PDE4DIP: variants seen among roughly 807,000 people sequenced by gnomAD.
The protein encoded by PDE4DIP is phosphodiesterase 4D interacting protein.
In PDE4DIP, 59 loss-of-function variants were observed where a neutral mutation model predicts 221.4. That is an observed-to-expected ratio of 0.27 (90% confidence interval 0.22 to 0.33). PDE4DIP has a LOEUF of 0.33. Ranked by LOEUF, PDE4DIP falls within the 10% of genes least tolerant of loss-of-function variation. PDE4DIP has a pLI of 1.00. For synonymous variants in PDE4DIP, 404 were observed against 815.9 expected (o/e 0.50, Z 8.60); for missense variants, 1,036 against 2,154.2 (o/e 0.48, Z 10.28).
intron 23 of PDE4DIP, 60 bp downstream of exon 26, chr1:148,998,435 G>A: frequency 2.4e-6 from 2 of 844,226 alleles, no homozygotes; most frequent in Admixed American, 2.0e-5. Context: ...CAGCCAAGGG[G>A]TGCCTATCCC....
chr1:148,938,720 G>T (rs1255942550), intron 5 of PDE4DIP, among the ~76,000 whole-genome samples: 15 of 150,896 alleles, frequency 9.9e-5, no homozygotes, highest in African/African-American at 3.6e-4. Flanking sequence ...AATGTGCTGG[G>T]TACTAGTTGA....
At chr1:148,991,491 A>C (rs1340640331) in intron 21 of PDE4DIP, 1 of 858,186 alleles carries the variant, frequency 1.2e-6, no homozygotes, top group African/African-American at 1.8e-5. Flanking sequence ...TCTAATCTCC[A>C]GGCACTCAGT....
chr1:148,927,292 T>C (rs1456802948), intron 1 of PDE4DIP, among the ~76,000 whole-genome samples: 1 of 152,038 alleles, frequency 6.6e-6, no homozygotes, highest in African/African-American at 2.4e-5. Context: ...GTTCTAACCT[T>C]GGTCAAAAGG....
At chr1:148,984,308 G>T (rs1169426016) in intron 21 of PDE4DIP, 1 of 151,780 alleles carries the variant, frequency 6.6e-6, no homozygotes, top group Non-Finnish European at 1.5e-5. Flanking sequence ...ATTTTTTCAG[G>T]ACCTTTGCTT....
chr1:148,934,914 A>G (rs1187140744), intron 4 of PDE4DIP, among the ~76,000 whole-genome samples: 4 of 151,798 alleles, frequency 2.6e-5, no homozygotes, highest in Non-Finnish European at 5.9e-5. Context: ...TACCCAGCCC[A>G]ATGTTTTTAA....
intron 21 of PDE4DIP, 59 bp downstream of exon 24, chr1:148,981,456 T>A (rs1553543091): frequency 6.2e-7 from 1 of 1,608,490 alleles, no homozygotes; most frequent in African/African-American, 1.3e-5. Context: ...CACTGGCGGG[T>A]CAGACTGCAG....
chr1:149,026,434 C>T lies in PDE4DIP; in HGVS notation c.6326-281C>T, dbSNP rs3961884. 3.3e-5 allele frequency among the ~76,000 whole-genome samples: 5 copies of T among 149,458 alleles called. No individual in the cohort carries two copies. In the South Asian group the frequency reaches 6.4e-4, roughly 19 times the overall value. On this transcript the variant is annotated intron_variant, in intron 38 of 43. Transcript: ENST00000369354. The stretch of plus-strand genomic sequence containing the variant: ...CCACACACAAATTATACTTAAGACT[C>T]GGTTTATAAAAATACACCTAATAAT...
chr1:148,982,492 A>G (rs1448004465), intron 21 of PDE4DIP: 2 of 152,224 alleles, frequency 1.3e-5, no homozygotes, highest in African/African-American at 4.8e-5. Flanking sequence ...TTATAGTTTT[A>G]ATCATTGCCT....
intron 4 of PDE4DIP, among the ~76,000 whole-genome samples, chr1:148,937,065 C>T (rs2049356635): frequency 6.6e-6 from 1 of 152,166 alleles, no homozygotes; most frequent in South Asian, 2.1e-4. Context: ...TATTTGTATA[C>T]AACTGCCAGT....
At chr1:148,977,886 G>T in intron 17 of PDE4DIP, 51 bp from the exon 21 acceptor site, 1 of 1,597,276 alleles carries the variant, frequency 6.3e-7, no homozygotes, top group South Asian at 1.1e-5. Flanking sequence ...AAAAGCATTT[G>T]CCTCAGTGTT....
At chr1:148,925,724 T>C (rs1291504170) in intron 1 of PDE4DIP, among the ~76,000 whole-genome samples, 2 of 150,732 alleles carry the variant, frequency 1.3e-5, no homozygotes, top group Non-Finnish European at 3.0e-5. Context: ...GTTCTATGCT[T>C]ATCATGCACA....
intron 4 of PDE4DIP, among the ~76,000 whole-genome samples, chr1:148,936,803 G>A (rs2049289888): frequency 1.3e-5 from 2 of 151,784 alleles, no homozygotes. Context: ...AGGATCATCA[G>A]CTTCACTGTC....
intron 5 of PDE4DIP, among the ~76,000 whole-genome samples, chr1:148,951,535 C>T (rs1553488352): frequency 6.6e-6 from 1 of 152,380 alleles, no homozygotes; most frequent in South Asian, 2.1e-4. Flanking sequence ...CCAGCTCTTA[C>T]GGAAAGAAGC....
intron 6 of PDE4DIP, among the ~76,000 whole-genome samples, 185 bp from the exon 10 acceptor site, chr1:148,961,652 C>A (rs1340383435): frequency 6.6e-6 from 1 of 152,028 alleles, no homozygotes; most frequent in Non-Finnish European, 1.5e-5. Context: ...GGAAGTATTT[C>A]ATTTCTCCTG....
At chr1:148,948,572 A>G (rs2052370263) in intron 5 of PDE4DIP, among the ~76,000 whole-genome samples, 1 of 151,662 alleles carries the variant, frequency 6.6e-6, no homozygotes, top group Admixed American at 6.6e-5. Flanking sequence ...CATTTCCCTA[A>G]TTTTCAAAAC....
intron 21 of PDE4DIP, chr1:148,990,448 A>G (rs587745367): frequency 7.6e-6 from 4 of 523,830 alleles, no homozygotes; most frequent in South Asian, 1.6e-4. Flanking sequence ...AGAGCCTTTC[A>G]TGCCTGGATG....
chr1:149,029,767 A>C lies in PDE4DIP; in HGVS notation c.6814-20A>C, dbSNP rs781802094. ...TTAGGCCTTCTGCCTGGTCAGTAAG[A>C]GTCTGTTCCTCTTATCCAGGGAGAA... On this transcript the variant is annotated intron_variant, in intron 41 of 43. Transcript: ENST00000369354. The C allele has an allele frequency of 3.2e-6, 4 of 1,245,610 alleles. No homozygotes were observed. The highest frequency in any genetic ancestry group is 4.7e-6 in the Non-Finnish European group (4 of 855,330). The allele number at this position is 1,245,610 out of a possible 1,614,324, so 77.2% of individuals were successfully genotyped here. A position where few individuals can be genotyped will look rare whatever the true frequency, so the allele number is the denominator to read the frequency against.
At chr1:148,948,709 G>T (rs1456631824) in intron 5 of PDE4DIP, among the ~76,000 whole-genome samples, 2 of 150,962 alleles carry the variant, frequency 1.3e-5, no homozygotes, top group African/African-American at 4.9e-5. Context: ...ACAATCTACA[G>T]ATCTAAGTGC....
chr1:148,905,178 G>GTT (rs56687289), intron 1 of PDE4DIP, among the ~76,000 whole-genome samples: 6,917 of 93,958 alleles, frequency 0.074, 6 homozygotes, highest in Non-Finnish European at 0.092. Context: ...TCTCTTCTAG[G>GTT]TTTTTTTTTT....
Sources: gnomAD v4.1 joint callset for allele counts (sites outside exome capture counted in the v4.1 genomes callset) on GRCh38, gnomAD v4.1.1 for gene constraint, MANE v1.5 for transcripts, NCBI Gene and HGNC (gene_info 2026-07-23, HGNC 2026-07-21) for gene names.